Variants in MTMR2 observed in about 807,000 individuals in gnomAD.
The protein encoded by MTMR2 is myotubularin related protein 2, also known as phosphatidylinositol-3,5-bisphosphate 3-phosphatase MTMR2.
A neutral mutation model predicts 86.9 loss-of-function variants in MTMR2; 55 were observed. That is an observed-to-expected ratio of 0.63 (90% CI 0.51 to 0.79). The LOEUF (loss-of-function observed/expected upper bound fraction) is 0.79. MTMR2 is among the 30% of genes least tolerant of loss of function. MTMR2 has a pLI of 0.00. For missense variants in MTMR2, 659 were observed against 772.3 expected (o/e 0.85, Z 1.74); for synonymous variants, 241 against 266.8 (o/e 0.90, Z 0.94).
intron 7 of MTMR2, among the ~76,000 whole-genome samples, chr11:95,852,799 AG>A (rs1177665501): frequency 6.6e-6 from 1 of 152,116 alleles, no homozygotes; most frequent in Non-Finnish European, 1.5e-5. Flanking sequence ...GCACTTTGGG[AG>A]GCAGAGGTGG....
intron 2 of MTMR2, among the ~76,000 whole-genome samples, chr11:95,880,970 G>C (rs1865300925): frequency 6.6e-6 from 1 of 151,982 alleles, no homozygotes; most frequent in Non-Finnish European, 1.5e-5. Context: ...TTCTTTAAAA[G>C]TTAATACCTT....
chr11:95,911,416 T>C (rs890320473), intron 1 of MTMR2, among the ~76,000 whole-genome samples: 1 of 152,112 alleles, frequency 6.6e-6, no homozygotes, highest in Non-Finnish European at 1.5e-5. Context: ...ATTGGGAAAT[T>C]TAAATAAATA....
chr11:95,886,757 C>CG (rs1232563439), intron 2 of MTMR2, among the ~76,000 whole-genome samples: 1 of 151,948 alleles, frequency 6.6e-6, no homozygotes, highest in East Asian at 1.9e-4. Flanking sequence ...TAAATCTGAC[C>CG]AGAAGTATGC....
chr11:95,843,080 CT>C lies in MTMR2; in HGVS notation c.1387-1372del, dbSNP rs34245491. Among the ~76,000 whole-genome samples the C allele has an allele frequency of 5.9e-3, 862 of 145,754 alleles. 2 individuals are homozygous for C. The highest frequency in any genetic ancestry group is 7.9e-3 in the Non-Finnish European group (519 of 65,960). ...CATTGTGGTTAGAAAGACTTAAAGA[CT>C]TTTTTTTTTTGAAAAGGTACAATGT... On this transcript the variant is annotated intron_variant, in intron 11 of 14. Coordinates refer to ENST00000346299, the MANE Select transcript of MTMR2 (RefSeq NM_016156.6).
intron 1 of MTMR2, among the ~76,000 whole-genome samples, chr11:95,911,445 T>C (rs1866501937): frequency 6.6e-6 from 1 of 152,076 alleles, no homozygotes; most frequent in Admixed American, 6.6e-5. Context: ...AAAGCCAAAG[T>C]ATTCTGCGGA....
At chr11:95,922,856 A>T (rs1345473580) in intron 1 of MTMR2, among the ~76,000 whole-genome samples, 1 of 152,176 alleles carries the variant, frequency 6.6e-6, no homozygotes, top group Non-Finnish European at 1.5e-5. Flanking sequence ...AGAATCCAAA[A>T]TGAATTATAA....
chr11:95,867,340 A>C (rs1864653891), intron 2 of MTMR2, among the ~76,000 whole-genome samples: 1 of 152,156 alleles, frequency 6.6e-6, no homozygotes, highest in Admixed American at 6.5e-5. Context: ...CTACATTCAG[A>C]AAGGACCAGC....
chr11:95,899,699 G>A (rs1866002001), intron 1 of MTMR2, among the ~76,000 whole-genome samples: 1 of 151,788 alleles, frequency 6.6e-6, no homozygotes, highest in Admixed American at 6.6e-5. Flanking sequence ...GAAAAGCTGA[G>A]GCAAGCTTGA....
chr11:95,909,232 A>G (rs1866407924), intron 1 of MTMR2, among the ~76,000 whole-genome samples: 1 of 152,114 alleles, frequency 6.6e-6, no homozygotes, highest in African/African-American at 2.4e-5. Context: ...GGGGGGGAAA[A>G]TTACTCTCTA....
chr11:95,912,217 T>G (rs1190018473), intron 1 of MTMR2, among the ~76,000 whole-genome samples: 2 of 151,884 alleles, frequency 1.3e-5, no homozygotes. Flanking sequence ...CAGTGATCCA[T>G]GCCTGCCAAG....
intron 1 of MTMR2, among the ~76,000 whole-genome samples, chr11:95,898,776 G>A (rs1865969215): frequency 6.6e-6 from 1 of 152,078 alleles, no homozygotes; most frequent in African/African-American, 2.4e-5. Flanking sequence ...TTAATTTAGA[G>A]GCTCGAGAAA....
chr11:95,888,636 T>A (rs927981547), intron 1 of MTMR2, among the ~76,000 whole-genome samples: 1 of 152,126 alleles, frequency 6.6e-6, no homozygotes, highest in African/African-American at 2.4e-5. Flanking sequence ...CCCATGTTCA[T>A]GAAGCTCACA....
chr11:95,889,552 C>T (rs559682874), intron 1 of MTMR2, among the ~76,000 whole-genome samples: 42 of 151,656 alleles, frequency 2.8e-4, no homozygotes, highest in African/African-American at 9.7e-4. Context: ...TGAGGTCTCA[C>T]TATGTTATCC....
At chr11:95,847,657 A>C (rs1863846951) in intron 10 of MTMR2, 57 bp downstream of exon 10, 2 of 1,466,206 alleles carry the variant, frequency 1.4e-6, no homozygotes, top group South Asian at 1.1e-5. Flanking sequence ...GTAAAAAGCT[A>C]ATATAAACAA....
rs114078363 is a variant in MTMR2, at chr11:95,835,127, C to T, written c.*163G>A. 1.9e-3 allele frequency: 1,319 copies of T among 709,676 alleles called. 18 individuals are homozygous for T. The African/African-American group carries it at 0.02, about 11-fold the overall frequency. The allele number at this position is 709,676 out of a possible 1,614,324, so 44.0% of individuals were successfully genotyped here. On this transcript the variant is annotated 3_prime_UTR_variant, in exon 15 of 15. Coordinates refer to ENST00000346299, the MANE Select transcript of MTMR2 (RefSeq NM_016156.6). ...TATGGAGTTACTTCACTTAAGCCAC[C>T]TGCACTGCTACAGTTCTAAACTCAT...
intron 1 of MTMR2, among the ~76,000 whole-genome samples, chr11:95,905,331 G>GCGCGCGCGCGCGCGCACACACACACA (rs928252045): frequency 6.8e-6 from 1 of 147,992 alleles, no homozygotes; most frequent in South Asian, 2.2e-4. Context: ...ACGCACCTGC[G>GCGCGCGCGCGCGCGCACACACACACA]CACACACACA....
At chr11:95,899,316 A>T (rs1865988671) in intron 1 of MTMR2, among the ~76,000 whole-genome samples, 1 of 152,178 alleles carries the variant, frequency 6.6e-6, no homozygotes, top group Admixed American at 6.5e-5. Context: ...GCTGACTGAA[A>T]AATCAGTGTG....
chr11:95,920,826 C>T (rs1390468364), intron 1 of MTMR2, among the ~76,000 whole-genome samples: 1 of 152,058 alleles, frequency 6.6e-6, no homozygotes, highest in Non-Finnish European at 1.5e-5. Context: ...TGGTCTCAAA[C>T]CCCTAGGCTC....
Position 95,854,043 on chromosome 11 carries a change from G to C in MTMR2, c.655-3294C>G, listed in dbSNP as rs142534516. Among the ~76,000 whole-genome samples the C allele has an allele frequency of 2.7e-3, 415 of 152,214 alleles. 2 individuals carry two copies. Among genetic ancestry groups the C allele is most frequent in the Non-Finnish European group, 4.5e-3 (309 of 68,016 alleles). ...TCATGGGGAATGTCACATTATTCAC[G>C]TAAGTAGCAGGGTGGGGTAGGAATG... On this transcript the variant is annotated intron_variant, in intron 7 of 14. Transcript: ENST00000346299.
Sources: allele counts gnomAD v4.1 joint callset (sites outside exome capture counted in the v4.1 genomes callset), GRCh38; gene constraint gnomAD v4.1.1; transcripts MANE v1.5; gene names NCBI Gene and HGNC (gene_info 2026-07-23, HGNC 2026-07-21).